The following SLC35D2 variants were observed in gnomAD, a reference collection of about 807,000 sequenced individuals.
SLC35D2 encodes the protein nucleotide sugar transporter SLC35D2.
In SLC35D2, 43 loss-of-function variants were observed where a neutral mutation model predicts 41.8. The observed-to-expected ratio is 1.03, with a 90% CI of 0.81 to 1.33. The LOEUF (loss-of-function observed/expected upper bound fraction) is 1.33. Ranked by LOEUF, SLC35D2 falls within the 40% of genes most tolerant of loss-of-function variation. The pLI is 0.00. For synonymous variants in SLC35D2, 150 were observed against 163.9 expected (o/e 0.92, Z 0.65); for missense variants, 380 against 408.4 (o/e 0.93, Z 0.60).
intron 1 of SLC35D2, among the ~76,000 whole-genome samples, chr9:96,373,840 G>A (rs1830818317): frequency 1.3e-5 from 2 of 152,154 alleles, no homozygotes; most frequent in South Asian, 2.1e-4. Flanking sequence ...CTTCGCTTTA[G>A]GGGGACCAGA....
rs1351243505 is a variant in SLC35D2, at chr9:96,383,581, C to G, written c.54G>C (p.Ala18=). ...EAEGAGGEPG[A]ARLPSRVARL... ...GGGCCACCCGCGAGGGCAGCCGCGC[C>G]GCGCCGGGCTCCCCGCCAGCGCCCT... Residue 18 remains alanine (A), a synonymous_variant, in exon 1 of 12, where the codon GCG becomes GCC. Coordinates refer to ENST00000253270, the MANE Select transcript of SLC35D2 (RefSeq NM_007001.3). 6.9e-7 allele frequency: 1 copy of G among 1,459,290 alleles called. No individual in the cohort carries two copies. The highest frequency in any genetic ancestry group is 3.1e-5 in the East Asian group (1 of 32,528). 90.4% of individuals were successfully genotyped at this position (1,459,290 alleles called of 1,614,324 possible).
intron 6 of SLC35D2, among the ~76,000 whole-genome samples, chr9:96,347,639 A>G (rs1489612341): frequency 6.6e-6 from 1 of 152,138 alleles, no homozygotes; most frequent in Admixed American, 6.6e-5. Context: ...TGGGCCTCCC[A>G]AAGTACTGGG....
At chr9:96,371,501 A>AAAAAAAAAAAC in intron 1 of SLC35D2, among the ~76,000 whole-genome samples, 1 of 142,540 alleles carries the variant, frequency 7.0e-6, no homozygotes, top group Non-Finnish European at 1.5e-5. Context: ...AAAAAAAAAA[A>AAAAAAAAAAAC]AAAAATTTAA....
chr9:96,326,818 A>AAG (rs1360968291), intron 9 of SLC35D2, among the ~76,000 whole-genome samples: 15 of 152,046 alleles, frequency 9.9e-5, no homozygotes, highest in African/African-American at 3.6e-4. Flanking sequence ...AAAAAAAAAA[A>AAG]AAAGAAAATC....
chr9:96,347,535 G>A (rs775987173), intron 6 of SLC35D2, among the ~76,000 whole-genome samples: 4 of 152,080 alleles, frequency 2.6e-5, no homozygotes, highest in South Asian at 4.2e-4. Flanking sequence ...CACCATGCCC[G>A]GCTAATTTTT....
In SLC35D2 at chr9:96,358,077, ATT is replaced by A. The variant is rs1554715391; in HGVS notation, c.347+2075_347+2076del. Among the ~76,000 whole-genome samples the A allele has an allele frequency of 1.7e-4, 14 of 82,226 alleles. No homozygotes were observed. The South Asian group carries it at 1.7e-3, about 10-fold the overall frequency. 53.9% of individuals were successfully genotyped at this position (82,226 alleles called of 152,430 possible). On this transcript the variant is annotated intron_variant, in intron 4 of 11. Coordinates refer to ENST00000253270, the MANE Select transcript of SLC35D2 (RefSeq NM_007001.3). The stretch of plus-strand genomic sequence containing the variant: ...TAAATGGATAAACAAAATATTATAT[ATT>A]TTATATATATATATATATATATATA...
intron 8 of SLC35D2, among the ~76,000 whole-genome samples, chr9:96,337,664 G>A (rs1393772790): frequency 2.6e-5 from 4 of 152,072 alleles, no homozygotes; most frequent in Admixed American, 6.5e-5. Context: ...TGGGGTGGAG[G>A]ACATGGTAGA....
chr9:96,348,415 G>C (rs1312146485), intron 6 of SLC35D2, among the ~76,000 whole-genome samples: 1 of 152,192 alleles, frequency 6.6e-6, no homozygotes, highest in Non-Finnish European at 1.5e-5. Flanking sequence ...ATGGAGCAGA[G>C]CCCTCGCACT....
chr9:96,321,144 G>T lies in SLC35D2; in HGVS notation c.*98C>A. On this transcript the variant is annotated 3_prime_UTR_variant, in exon 12 of 12. Coordinates refer to ENST00000253270, the MANE Select transcript of SLC35D2 (RefSeq NM_007001.3). ...AGATGCTCTCACTTGCCCAGGGGGT[G>T]GATGTCACGAATCCGAAACCTCTGG... is the stretch of plus-strand genomic sequence containing the variant. 1 of 843,374 alleles carries T rather than the reference G, an allele frequency of 1.2e-6. No individual in the cohort carries two copies. The highest frequency in any genetic ancestry group is 2.0e-6 in the Non-Finnish European group (1 of 510,560). The allele number at this position is 843,374 out of a possible 1,614,324, so 52.2% of individuals were successfully genotyped here.
At chr9:96,372,010 G>A (rs1830720122) in intron 1 of SLC35D2, among the ~76,000 whole-genome samples, 1 of 152,112 alleles carries the variant, frequency 6.6e-6, no homozygotes, top group Admixed American at 6.6e-5. Flanking sequence ...ACAGGCGTGA[G>A]CCACCGCGCC....
intron 2 of SLC35D2, among the ~76,000 whole-genome samples, chr9:96,368,044 A>G (rs1298307898): frequency 6.6e-6 from 1 of 152,214 alleles, no homozygotes; most frequent in African/African-American, 2.4e-5. Context: ...CAGTTAAGGA[A>G]CTTAAAATAA....
At chr9:96,350,163 A>G (rs1377107462) in intron 6 of SLC35D2, among the ~76,000 whole-genome samples, 1 of 151,938 alleles carries the variant, frequency 6.6e-6, no homozygotes, top group Non-Finnish European at 1.5e-5. Flanking sequence ...ATTTATAATG[A>G]CAGTAAGCAT....
intron 1 of SLC35D2, 128 bp from the exon 2 acceptor site, chr9:96,368,433 T>A: frequency 1.3e-6 from 1 of 794,006 alleles, no homozygotes; most frequent in Non-Finnish European, 2.0e-6. Flanking sequence ...TCACTTTTCA[T>A]TTAATTCTTT....
In SLC35D2 at chr9:96,332,736, G is replaced by A. The variant is rs138107837; in HGVS notation, c.752+3981C>T. Reference sequence around the variant, plus strand: ...AGAGGTTGCAGTGAGCCGAGATCGCGCCACTGCACTCCAGACTGGGTGACA... The same window carrying A: ...AGAGGTTGCAGTGAGCCGAGATCGCACCACTGCACTCCAGACTGGGTGACA... On this transcript the variant is annotated intron_variant, in intron 9 of 11. Transcript: ENST00000253270. 1.8e-3 allele frequency among the ~76,000 whole-genome samples: 271 copies of A among 151,690 alleles called. 2 individuals carry two copies. The Middle Eastern group carries it at 0.02, about 11-fold the overall frequency.
intron 6 of SLC35D2, among the ~76,000 whole-genome samples, chr9:96,349,657 C>T (rs1330826695): frequency 6.6e-6 from 1 of 152,170 alleles, no homozygotes; most frequent in Non-Finnish European, 1.5e-5. Flanking sequence ...TCCTGAGTAG[C>T]TGGGATTATA....
At chr9:96,333,886 C>T (rs1307155791) in intron 9 of SLC35D2, among the ~76,000 whole-genome samples, 1 of 152,076 alleles carries the variant, frequency 6.6e-6, no homozygotes, top group African/African-American at 2.4e-5. Flanking sequence ...ATGGGCTTAG[C>T]CAGGGAAAGG....
At chr9:96,355,485 C>T (rs2130951126) in intron 4 of SLC35D2, among the ~76,000 whole-genome samples, 1 of 148,728 alleles carries the variant, frequency 6.7e-6, no homozygotes, top group Non-Finnish European at 1.5e-5. Flanking sequence ...GAGATATTGT[C>T]TCTAAGAAAA....
At chr9:96,336,117 C>T (rs1053837098) in intron 9 of SLC35D2, among the ~76,000 whole-genome samples, 1 of 150,722 alleles carries the variant, frequency 6.6e-6, no homozygotes, top group South Asian at 2.1e-4. Context: ...GACAATACAA[C>T]AGCCTGGACA....
At chr9:96,344,569 A>C (rs1313854115) in intron 7 of SLC35D2, among the ~76,000 whole-genome samples, 1 of 148,212 alleles carries the variant, frequency 6.7e-6, no homozygotes, top group Non-Finnish European at 1.5e-5. Context: ...GAGCAGATAA[A>C]AAAAAAAAAA....
Sources: allele counts gnomAD v4.1 joint callset (sites outside exome capture counted in the v4.1 genomes callset), GRCh38; gene constraint gnomAD v4.1.1; transcripts MANE v1.5; gene names NCBI Gene and HGNC (gene_info 2026-07-23, HGNC 2026-07-21).